MIER1: variants seen among roughly 807,000 people sequenced by gnomAD.
MIER1 encodes the protein MIER1 transcriptional regulator, also known as mesoderm induction early response protein 1.
A neutral mutation model predicts 75.7 loss-of-function variants in MIER1; 40 were observed. That is an observed-to-expected ratio of 0.53 (90% confidence interval 0.41 to 0.69). MIER1 has a LOEUF of 0.69. Among genes scored for constraint, MIER1 ranks in the 30% least tolerant of loss-of-function variants. The probability of loss-of-function intolerance (pLI) is 0.00; values close to 1 mark genes in which losing one functional copy is unlikely to be tolerated. For missense variants in MIER1, 574 were observed against 680.2 expected (o/e 0.84, Z 1.74); for synonymous variants, 213 against 223.4 (o/e 0.95, Z 0.42).
intron 1 of MIER1, 37 bp downstream of exon 1, chr1:66,925,132 A>G: frequency 6.5e-7 from 1 of 1,539,790 alleles, no homozygotes; most frequent in South Asian, 1.2e-5. Flanking sequence ...CTCCCCTTCT[A>G]TTCCAGTTTG....
chr1:66,955,343 T>G (rs1300873106), intron 4 of MIER1, among the ~76,000 whole-genome samples: 1 of 137,202 alleles, frequency 7.3e-6, no homozygotes, highest in Non-Finnish European at 1.5e-5. Context: ...TGAGTTTTTT[T>G]TTTTTTTTTT....
At position 66,987,014 on chromosome 1, in the gene MIER1, C is replaced by T. The variant is rs1666868398; in HGVS notation, c.*2114C>T. Reference sequence around the variant, plus strand: ...TGCAGGTTTGTGAAGTTCTTGCAAACTCTTACTACAGAAATGTTTTAAATA... The same window carrying T: ...TGCAGGTTTGTGAAGTTCTTGCAAATTCTTACTACAGAAATGTTTTAAATA... On this transcript the variant is annotated 3_prime_UTR_variant, in exon 14 of 14. Coordinates refer to ENST00000401041, the MANE Select transcript of MIER1 (RefSeq NM_001077700.3). The T allele has an allele frequency of 6.6e-6, 1 of 151,574 alleles. No homozygotes were observed. The highest frequency in any genetic ancestry group is 6.6e-5 in the Admixed American group (1 of 15,160). The allele number at this position is 151,574 out of a possible 1,614,324, so 9.4% of individuals were successfully genotyped here.
At chr1:66,969,595 A>T (rs1409046316) in intron 8 of MIER1, among the ~76,000 whole-genome samples, 1 of 148,206 alleles carries the variant, frequency 6.7e-6, no homozygotes, top group African/African-American at 2.5e-5. Flanking sequence ...GGTACATAGG[A>T]TATGCTTAAT....
intron 4 of MIER1, chr1:66,947,831 G>C: frequency 1.6e-6 from 1 of 633,206 alleles, no homozygotes; most frequent in Non-Finnish European, 2.0e-6. Flanking sequence ...CACACTAGCT[G>C]CTTTTGTTGT....
At chr1:66,935,832 A>G (rs1654668532) in intron 2 of MIER1, among the ~76,000 whole-genome samples, 1 of 152,266 alleles carries the variant, frequency 6.6e-6, no homozygotes, top group East Asian at 1.9e-4. Flanking sequence ...TTATTTCTCT[A>G]TCAACACAAA....
intron 8 of MIER1, among the ~76,000 whole-genome samples, chr1:66,969,518 C>A (rs12408815): frequency 3.8e-5 from 5 of 130,932 alleles, no homozygotes; most frequent in African/African-American, 1.5e-4. Context: ...GCACTCCAGC[C>A]TGGGCAACAG....
chr1:66,945,960 T>C (rs943533305), intron 3 of MIER1, among the ~76,000 whole-genome samples, 190 bp from the exon 4 acceptor site: 9 of 152,354 alleles, frequency 5.9e-5, no homozygotes, highest in East Asian at 5.8e-4. Flanking sequence ...ATAAACACTT[T>C]TAAAGCTATA....
chr1:66,956,963 A>G (rs925643195), intron 4 of MIER1, among the ~76,000 whole-genome samples: 8 of 152,232 alleles, frequency 5.3e-5, no homozygotes, highest in African/African-American at 1.9e-4. Context: ...CACATGAGCT[A>G]GACTTACTTC....
At chr1:66,932,805 T>G (rs949500261) in intron 2 of MIER1, 1 of 152,054 alleles carries the variant, frequency 6.6e-6, no homozygotes, top group African/African-American at 2.4e-5. Context: ...TGAAGAAGTA[T>G]GTCTCCAGAG....
At chr1:66,929,283 A>C in intron 2 of MIER1, 1 of 332,238 alleles carries the variant, frequency 3.0e-6, no homozygotes, top group Non-Finnish European at 5.8e-6. Flanking sequence ...TTGAAACTGC[A>C]TTAAGAGGAA....
intron 12 of MIER1, among the ~76,000 whole-genome samples, chr1:66,978,979 A>G (rs1056778634): frequency 6.6e-6 from 1 of 152,252 alleles, no homozygotes; most frequent in African/African-American, 2.4e-5. Context: ...ACAGTTAAAA[A>G]TAAACAATAT....
At chr1:66,933,813 G>T (rs1490085744) in intron 2 of MIER1, among the ~76,000 whole-genome samples, 1 of 152,206 alleles carries the variant, frequency 6.6e-6, no homozygotes. Flanking sequence ...GAAAGGTTTG[G>T]TGGGAGAAAC....
At chr1:66,958,272 T>TA (rs746228319) in intron 5 of MIER1, 52 bp downstream of exon 5, 22 of 1,233,582 alleles carry the variant, frequency 1.8e-5, no homozygotes, top group Non-Finnish European at 2.4e-5. Flanking sequence ...TTGTTGAAGT[T>TA]AAAATTGCTT....
intron 11 of MIER1, among the ~76,000 whole-genome samples, chr1:66,975,656 A>G (rs1283024191): frequency 1.3e-5 from 2 of 152,218 alleles, no homozygotes; most frequent in Non-Finnish European, 2.9e-5. Context: ...ACAAAAAGGA[A>G]TTCTGTCAGC....
At chr1:66,941,723 C>T (rs571749049) in intron 3 of MIER1, among the ~76,000 whole-genome samples, 200 of 152,252 alleles carry the variant, frequency 1.3e-3, no homozygotes, top group Admixed American at 2.7e-3. Flanking sequence ...GTAATCCCAA[C>T]ACTTTGGGAG....
Position 66,972,933 on chromosome 1 carries a change from A to T in MIER1, c.1043A>T (p.Asn348Ile). The change falls in exon 11 of 14, where the codon AAT (asparagine) becomes ATT (isoleucine). Residue 348 changes from asparagine to isoleucine, a missense_variant. This residue lies in a region of MIER1 where 101 missense variants were observed against 173.1 expected (regional missense o/e 0.58). Transcript: ENST00000401041. ...GTTTGGACAGAGGAAGAGTGTAGAAATTTTGAACAAGGGCTGAAGGCCTAT... is the reference window on the plus strand; with the variant it reads ...GTTTGGACAGAGGAAGAGTGTAGAATTTTTGAACAAGGGCTGAAGGCCTAT... ...LSVWTEEECRNFEQGLKAYGK... is the reference protein window; with the variant it reads ...LSVWTEEECRIFEQGLKAYGK... 1.9e-6 allele frequency: 3 copies of T among 1,608,398 alleles called. No individual in the cohort carries two copies. The highest frequency in any genetic ancestry group is 2.6e-6 in the Non-Finnish European group (3 of 1,175,190).
At chr1:66,933,188 C>G (rs1032012011) in intron 2 of MIER1, among the ~76,000 whole-genome samples, 4 of 152,040 alleles carry the variant, frequency 2.6e-5, no homozygotes, top group African/African-American at 7.2e-5. Context: ...AGGATAGTTG[C>G]AGTTTTACTA....
intron 12 of MIER1, among the ~76,000 whole-genome samples, chr1:66,979,151 C>T (rs1347123534): frequency 2.6e-5 from 4 of 151,830 alleles, no homozygotes; most frequent in Non-Finnish European, 5.9e-5. Flanking sequence ...TTTACTGAGA[C>T]TCTTCCCTTT....
intron 12 of MIER1, among the ~76,000 whole-genome samples, chr1:66,977,377 T>G (rs1664934303): frequency 6.6e-6 from 1 of 152,162 alleles, no homozygotes; most frequent in African/African-American, 2.4e-5. Context: ...CCTAAAGTGC[T>G]GGGATTACAG....
Sources: gnomAD v4.1 joint callset for allele counts (sites outside exome capture counted in the v4.1 genomes callset) on GRCh38, gnomAD v4.1.1 for gene constraint, gnomAD v4.1.1 regional missense constraint, MANE v1.5 for transcripts, NCBI Gene and HGNC (gene_info 2026-07-23, HGNC 2026-07-21) for gene names.